CAMTA1: variants seen among roughly 807,000 people sequenced by gnomAD.
CAMTA1 encodes the protein calmodulin binding transcription activator 1, also known as calmodulin-binding transcription activator 1.
A neutral mutation model predicts 170.9 loss-of-function variants in CAMTA1; 27 were observed. The ratio of observed to expected loss-of-function variants is 0.16; its 90% CI spans 0.12 to 0.22. CAMTA1 has a LOEUF of 0.22. Among genes scored for constraint, CAMTA1 ranks in the 10% least tolerant of loss-of-function variants. CAMTA1 has a pLI of 1.00. For synonymous variants in CAMTA1, 833 were observed against 891.5 expected (o/e 0.93, Z 1.17); for missense variants, 1,619 against 2,217.2 (o/e 0.73, Z 5.42).
intron 6 of CAMTA1, among the ~76,000 whole-genome samples, chr1:7,483,724 G>T (rs1000265344): frequency 6.6e-6 from 1 of 152,124 alleles, no homozygotes; most frequent in Non-Finnish European, 1.5e-5. Context: ...ACAGAGTCTC[G>T]TCCCACCCTG....
At chr1:7,382,781 C>T (rs1156732758) in intron 5 of CAMTA1, 2 of 151,906 alleles carry the variant, frequency 1.3e-5, no homozygotes, top group Non-Finnish European at 2.9e-5. Flanking sequence ...AAGCACATGC[C>T]TCTTTGTTGC....
intron 4 of CAMTA1, among the ~76,000 whole-genome samples, chr1:7,123,496 G>C (rs1443960056): frequency 6.6e-6 from 1 of 152,104 alleles, no homozygotes; most frequent in Non-Finnish European, 1.5e-5. Context: ...CCTATAGTAG[G>C]TGCCACGTCT....
At chr1:7,428,931 G>A (rs913243085) in intron 5 of CAMTA1, among the ~76,000 whole-genome samples, 7 of 152,326 alleles carry the variant, frequency 4.6e-5, no homozygotes, top group Admixed American at 6.5e-5. Context: ...TGCTGGCAGC[G>A]ATGGCAGAAG....
rs7546486 is a variant in CAMTA1 at position 7,489,991 on chromosome 1, C to T, written c.510+22090C>T. Among the ~76,000 whole-genome samples the T allele has an allele frequency of 9.2e-3, 1,400 of 152,322 alleles. 22 individuals carry two copies. The highest frequency in any genetic ancestry group is 0.031 in the African/African-American group (1,307 of 41,570). On this transcript the variant is annotated intron_variant, in intron 6 of 22. Coordinates refer to ENST00000303635, the MANE Select transcript of CAMTA1 (RefSeq NM_015215.4). Reference sequence around the variant, plus strand: ...CTTGGATCCCCGAGGAAATGTTCCACGCCGGGATATTGGATCTCACAGGCC... The same window carrying T: ...CTTGGATCCCCGAGGAAATGTTCCATGCCGGGATATTGGATCTCACAGGCC...
chr1:7,060,745 C>T (rs893102916), intron 3 of CAMTA1, among the ~76,000 whole-genome samples: 2 of 152,162 alleles, frequency 1.3e-5, no homozygotes, highest in African/African-American at 4.8e-5. Context: ...CTTCCGATTG[C>T]GGAAAGTTTT....
intron 4 of CAMTA1, among the ~76,000 whole-genome samples, chr1:7,128,856 T>G (rs1338163794): frequency 3.5e-5 from 5 of 144,450 alleles, no homozygotes; most frequent in Non-Finnish European, 7.5e-5. Context: ...TTTTTTTTTT[T>G]TTGAGACAAG....
chr1:7,738,197 A>C lies in CAMTA1; in HGVS notation c.3897A>C (p.Glu1299Asp), dbSNP rs747873856. 6.2e-7 allele frequency: 1 copy of C among 1,613,000 alleles called. No homozygotes were observed. The highest frequency in any genetic ancestry group is 8.5e-7 in the Non-Finnish European group (1 of 1,179,788). Residue 1299 changes from glutamate to aspartate, a missense_variant, in exon 16 of 23, where the codon GAA (glutamate) becomes GAC (aspartate). Coordinates refer to ENST00000303635, the MANE Select transcript of CAMTA1 (RefSeq NM_015215.4). The surrounding 1 kb of genome is among the most constrained non-coding windows in gnomAD (Gnocchi z 4.9). ...AAGGAGTGAGGGACTTCAGCCGGGA[A>C]CTCTCCCCTCCCACTCCAGAGACTG... ...PSEGVRDFSR[E>D]LSPPTPETAA...
At position 7,599,816 on chromosome 1, in the gene CAMTA1, C is replaced by T. The variant is rs571799059; in HGVS notation, c.511-40584C>T. ...GTATCCTGAGACTTTGCTGAAGTTG[C>T]CTATCAGCTTAAGGAGATTTTGGGC... On this transcript the variant is annotated intron_variant, in intron 6 of 22. Coordinates refer to ENST00000303635, the MANE Select transcript of CAMTA1 (RefSeq NM_015215.4). Among the ~76,000 whole-genome samples the T allele has an allele frequency of 7.2e-5, 11 of 152,234 alleles. No homozygotes were observed. The South Asian group carries it at 1.2e-3, about 17-fold the overall frequency.
intron 5 of CAMTA1, among the ~76,000 whole-genome samples, chr1:7,383,745 G>A (rs1188896670): frequency 6.6e-6 from 1 of 151,946 alleles, no homozygotes; most frequent in African/African-American, 2.4e-5. Flanking sequence ...TGGTGCTGCT[G>A]ATGTTGTTGA....
intron 3 of CAMTA1, among the ~76,000 whole-genome samples, chr1:6,988,340 A>T (rs958289127): frequency 8.5e-5 from 13 of 152,156 alleles, no homozygotes; most frequent in Non-Finnish European, 2.9e-5. Context: ...CGGGAGGCAG[A>T]CCTAATGAAA....
chr1:7,513,652 G>T (rs1333550734), intron 6 of CAMTA1, among the ~76,000 whole-genome samples: 2 of 152,264 alleles, frequency 1.3e-5, no homozygotes, highest in East Asian at 3.9e-4. Context: ...GCTGGGCGTG[G>T]TGGCTCACAC....
Position 7,663,408 on chromosome 1 carries a change from G to A in CAMTA1, c.861G>A (p.Ser287=), listed in dbSNP as rs760692789. The change falls in exon 9 of 23, where the codon TCG becomes TCA. Residue 287 remains serine (S), a synonymous_variant. Coordinates refer to ENST00000303635, the MANE Select transcript of CAMTA1 (RefSeq NM_015215.4). ...KCNSAKHRII[S]PKVEPRTGGY... is the part of the protein sequence containing the mutation. ...ACAGCGCCAAACACCGCATCATCTC[G>A]CCCAAGGTGGAGCCACGGACAGGGG... The A allele has an allele frequency of 1.2e-5, 19 of 1,551,384 alleles. No homozygotes were observed. Among genetic ancestry groups the A allele is most frequent in the African/African-American group, 1.2e-4 (9 of 73,536 alleles).
intron 3 of CAMTA1, among the ~76,000 whole-genome samples, chr1:6,936,370 T>C (rs953660981): frequency 6.6e-6 from 1 of 152,220 alleles, no homozygotes; most frequent in Non-Finnish European, 1.5e-5. Context: ...ATCACTGGTT[T>C]AGCAGTTAGG....
At position 7,007,273 on chromosome 1, in the gene CAMTA1, C is replaced by T. The variant is rs1699140585; in HGVS notation, c.235-84031C>T. On this transcript the variant is annotated intron_variant, in intron 3 of 22. Transcript: ENST00000303635. This position sits in a 1 kb window ranked among gnomAD's most constrained non-coding sequence, Gnocchi z 4.5. ...CACAGCAGCTTGGAGCGTGGAAGCA[C>T]ACATATAATCATCACTTAACTAAAG... 6.6e-6 allele frequency among the ~76,000 whole-genome samples: 1 copy of T among 152,110 alleles called. No individual in the cohort carries two copies. Among genetic ancestry groups the T allele is most frequent in the Non-Finnish European group, 1.5e-5 (1 of 68,032 alleles).
chr1:7,763,207 C>T (rs2096988946), intron 22 of CAMTA1, among the ~76,000 whole-genome samples: 1 of 152,196 alleles, frequency 6.6e-6, no homozygotes, highest in African/African-American at 2.4e-5. Flanking sequence ...ATTAAGTAAC[C>T]TGTATAGCTA....
intron 22 of CAMTA1, among the ~76,000 whole-genome samples, chr1:7,762,633 T>C (rs979180821): frequency 9.9e-5 from 15 of 152,204 alleles, no homozygotes; most frequent in African/African-American, 1.4e-4. Context: ...ATAGTAAGCC[T>C]CTCAATTTCA....
At chr1:7,578,255 G>A (rs977223995) in intron 6 of CAMTA1, among the ~76,000 whole-genome samples, 1 of 152,206 alleles carries the variant, frequency 6.6e-6, no homozygotes, top group African/African-American at 2.4e-5. Flanking sequence ...TCCTGTTGGA[G>A]GGGAGGACAG....
At chr1:7,599,422 G>A (rs2095424091) in intron 6 of CAMTA1, among the ~76,000 whole-genome samples, 2 of 152,182 alleles carry the variant, frequency 1.3e-5, no homozygotes, top group Non-Finnish European at 2.9e-5. Context: ...TGGCGATGCG[G>A]GCTCTTTTCT....
chr1:6,887,641 C>T lies in CAMTA1; in HGVS notation c.234+62431C>T, dbSNP rs765926770. 21 of 1,534,750 alleles carry T rather than the reference C, an allele frequency of 1.4e-5. No individual in the cohort carries two copies. Among genetic ancestry groups the T allele is most frequent in the Non-Finnish European group, 1.8e-5 (21 of 1,146,422 alleles). ...GCGACGGTTTTGACCCATTTTACAC[C>T]TATTTATTTCAGGCTCTCACCACAC... On this transcript the variant is annotated intron_variant, in intron 3 of 22. Coordinates refer to ENST00000303635, the MANE Select transcript of CAMTA1 (RefSeq NM_015215.4). The surrounding 1 kb of genome is among the most constrained non-coding windows in gnomAD (Gnocchi z 4.1).
Sources: gnomAD v4.1 joint callset for allele counts (sites outside exome capture counted in the v4.1 genomes callset) on GRCh38, gnomAD v4.1.1 for gene constraint, Gnocchi (gnomAD v3.1) non-coding constraint, MANE v1.5 for transcripts, NCBI Gene and HGNC (gene_info 2026-07-23, HGNC 2026-07-21) for gene names.